The following C12orf42 variants were observed in gnomAD, a reference collection of about 807,000 sequenced individuals.
The protein encoded by C12orf42 is chromosome 12 open reading frame 42.
Under a neutral mutation model 21.6 loss-of-function variants are expected in C12orf42, and 25 were observed. The ratio of observed to expected loss-of-function variants is 1.16; its 90% confidence interval spans 0.84 to 1.62. The LOEUF (loss-of-function observed/expected upper bound fraction) is 1.62. C12orf42 is among the 40% of genes most tolerant of loss of function. The pLI is 0.00. For missense variants in C12orf42, 483 were observed against 459.3 expected (o/e 1.05, Z -0.47); for synonymous variants, 174 against 175.0 (o/e 0.99, Z 0.05).
intron 4 of C12orf42, among the ~76,000 whole-genome samples, chr12:103,342,887 T>A (rs934708567): frequency 6.6e-6 from 1 of 152,202 alleles, no homozygotes; most frequent in Non-Finnish European, 1.5e-5. Context: ...CTTGGGCACA[T>A]GCAAGGGTGC....
intron 4 of C12orf42, among the ~76,000 whole-genome samples, chr12:103,323,162 C>A (rs1392080608): frequency 6.6e-6 from 1 of 152,148 alleles, no homozygotes; most frequent in Non-Finnish European, 1.5e-5. Flanking sequence ...TTTCCTCCAA[C>A]TCTTTTTTTA....
At chr12:103,420,401 T>C (rs559265003) in intron 2 of C12orf42, among the ~76,000 whole-genome samples, 1 of 152,322 alleles carries the variant, frequency 6.6e-6, no homozygotes, top group Non-Finnish European at 1.5e-5. Context: ...AGATCTTTGC[T>C]AAGTGGTACA....
At chr12:103,052,391 A>G in the C12orf42 span, among the ~76,000 whole-genome samples, 1 of 152,146 alleles carries the variant, frequency 6.6e-6, no homozygotes, top group Admixed American at 6.5e-5. Flanking sequence ...TAAAGGAAGT[A>G]TAGTGGTTTT....
the C12orf42 span, among the ~76,000 whole-genome samples, chr12:103,068,938 T>C: frequency 7.0e-4 from 6 of 8,566 alleles, no homozygotes; most frequent in Admixed American, 1.0e-3. Flanking sequence ...TCTCCACATA[T>C]ATATATATAT....
chr12:103,511,556 C>A, the C12orf42 span, among the ~76,000 whole-genome samples: 1 of 151,942 alleles, frequency 6.6e-6, no homozygotes, highest in African/African-American at 2.4e-5. Context: ...TTCCACTGCT[C>A]AACTCCCCTT....
rs886117780 is a variant in C12orf42 at position 103,410,626 on chromosome 12, C to G, written c.79-8951G>C. ...CAACCATCTTTGCTCTAGGTAATGC[C>G]TTGGAAAGAGCTGCCAGAAGAACAT... On this transcript the variant is annotated intron_variant, in intron 2 of 5. Coordinates refer to ENST00000548883, the MANE Select transcript of C12orf42 (RefSeq NM_198521.5). Among the ~76,000 whole-genome samples the G allele has an allele frequency of 5.9e-5, 9 of 152,144 alleles. 1 individual carries two copies. Among genetic ancestry groups the G allele is most frequent in the Non-Finnish European group, 1.0e-4 (7 of 68,020 alleles).
chr12:103,308,208 A>G (rs148057526), intron 4 of C12orf42, among the ~76,000 whole-genome samples: 1,544 of 152,348 alleles, frequency 0.01, 18 homozygotes, highest in African/African-American at 0.035. Context: ...TTTAGAAAAC[A>G]CTTGACAAAT....
chr12:103,225,492 G>C, the C12orf42 span, among the ~76,000 whole-genome samples: 1 of 152,110 alleles, frequency 6.6e-6, no homozygotes, highest in Admixed American at 6.5e-5. Flanking sequence ...CGGTCACCAA[G>C]GAGGGAGTAG....
the C12orf42 span, among the ~76,000 whole-genome samples, chr12:103,226,363 C>T: frequency 2.6e-5 from 4 of 152,060 alleles, no homozygotes; most frequent in African/African-American, 7.2e-5. Flanking sequence ...TATTTAATGT[C>T]GGGAGCAGAT....
the C12orf42 span, among the ~76,000 whole-genome samples, chr12:103,511,564 C>T: frequency 6.6e-6 from 1 of 151,842 alleles, no homozygotes; most frequent in African/African-American, 2.4e-5. Flanking sequence ...CTCAACTCCC[C>T]TTTTACCGCT....
the C12orf42 span, among the ~76,000 whole-genome samples, chr12:103,119,555 A>G: frequency 6.6e-6 from 1 of 152,318 alleles, no homozygotes; most frequent in Middle Eastern, 3.4e-3. Context: ...CTGATCTGGC[A>G]GATCAAGATA....
At chr12:103,090,943 C>T in the C12orf42 span, among the ~76,000 whole-genome samples, 1 of 151,754 alleles carries the variant, frequency 6.6e-6, no homozygotes, top group African/African-American at 2.4e-5. Context: ...TGTAAGCCAG[C>T]CCACTTCAAC....
chr12:103,519,202 G>T, the C12orf42 span, among the ~76,000 whole-genome samples: 3 of 152,102 alleles, frequency 2.0e-5, no homozygotes, highest in African/African-American at 7.2e-5. Flanking sequence ...GTTTCCTGAG[G>T]TCTTGCCAGC....
the C12orf42 span, among the ~76,000 whole-genome samples, chr12:103,054,610 A>G: frequency 1.2e-4 from 18 of 151,818 alleles, no homozygotes; most frequent in Non-Finnish European, 2.4e-4. Context: ...TTTCAGCACT[A>G]TATTGAACAA....
the C12orf42 span, among the ~76,000 whole-genome samples, chr12:103,075,582 C>G: frequency 6.6e-6 from 1 of 152,142 alleles, no homozygotes; most frequent in Non-Finnish European, 1.5e-5. Context: ...ATTTCATGGC[C>G]TGTGCTAATT....
the C12orf42 span, among the ~76,000 whole-genome samples, chr12:103,231,794 G>A: frequency 6.6e-6 from 1 of 152,126 alleles, no homozygotes; most frequent in Non-Finnish European, 1.5e-5. Context: ...TTTTTATGTG[G>A]ACATAAGTTT....
chr12:103,516,948 G>T, the C12orf42 span, among the ~76,000 whole-genome samples: 1 of 152,128 alleles, frequency 6.6e-6, no homozygotes, highest in Non-Finnish European at 1.5e-5. Context: ...CAAAATCCTG[G>T]AAAGAAACCA....
chr12:103,222,034 T>C, the C12orf42 span, among the ~76,000 whole-genome samples: 2 of 151,976 alleles, frequency 1.3e-5, no homozygotes, highest in Non-Finnish European at 2.9e-5. Context: ...TCCTGGGAGG[T>C]AAGCCATAGG....
chr12:103,471,950 T>G (rs998031861), intron 2 of C12orf42: 4 of 152,098 alleles, frequency 2.6e-5, no homozygotes, highest in African/African-American at 9.7e-5. Flanking sequence ...CCCATTTGAC[T>G]TAAAATCTGA....
Sources: allele counts gnomAD v4.1 joint callset (sites outside exome capture counted in the v4.1 genomes callset), GRCh38; gene constraint gnomAD v4.1.1; transcripts MANE v1.5; gene names NCBI Gene and HGNC (gene_info 2026-07-23, HGNC 2026-07-21).